Variants in PTX3 observed in about 807,000 individuals in gnomAD.
The protein encoded by PTX3 is pentraxin-related protein PTX3.
In PTX3, 24 loss-of-function variants were observed where a neutral mutation model predicts 23.5. The observed-to-expected ratio is 1.02, with a 90% CI of 0.74 to 1.43. The LOEUF (loss-of-function observed/expected upper bound fraction) is 1.43, where lower values mean the gene tolerates loss of function less well. Ranked by LOEUF, PTX3 falls within the 40% of genes most tolerant of loss-of-function variation. The pLI is 0.00. For synonymous variants in PTX3, 218 were observed against 205.4 expected, an observed-to-expected ratio of 1.06 and a Z score of -0.53; for missense variants, 510 against 497.5, an observed-to-expected ratio of 1.02 and a Z score of -0.24.
intron 1 of PTX3, 129 bp from the exon 2 acceptor site, chr3:157,437,384 G>T (rs1733685176): frequency 1.8e-6 from 2 of 1,128,544 alleles, no homozygotes; most frequent in Non-Finnish European, 1.3e-6. Flanking sequence ...TTTCGGAGGT[G>T]TCCTTAAAGG....
intron 2 of PTX3, among the ~76,000 whole-genome samples, chr3:157,440,886 C>A (rs896173124): frequency 6.6e-6 from 1 of 152,154 alleles, no homozygotes; most frequent in African/African-American, 2.4e-5. Flanking sequence ...TGTTCTCCAA[C>A]CAGGCCCCTT....
chr3:157,437,916 TAAG>T lies in PTX3; in HGVS notation c.532+3_532+5del. 1 of 1,526,966 alleles carries T rather than the reference TAAG, an allele frequency of 6.5e-7. No homozygotes were observed. Among genetic ancestry groups the T allele is most frequent in the Non-Finnish European group, 8.7e-7 (1 of 1,145,000 alleles). 94.6% of individuals were successfully genotyped at this position (1,526,966 alleles called of 1,614,324 possible). ...CTGCCCGGAGCTGGCTGCCGGCAGG[TAAG>T]GAGGCAAGCGGGGCCGGGACCTCCC... is the stretch of plus-strand genomic sequence containing the variant. On this transcript the variant is annotated splice_donor_5th_base_variant and intron_variant, in intron 2 of 2. Transcript: ENST00000295927.
chr3:157,436,979 T>C lies in PTX3; in HGVS notation c.46T>C (p.Leu16=), dbSNP rs35948036. Reference sequence around the variant, plus strand: ...GTTTTGTGCTCTCTGGTCTGCAGTGTTGGCCGAGAACTCGGATGATTATGA... The same window carrying C: ...GTTTTGTGCTCTCTGGTCTGCAGTGCTGGCCGAGAACTCGGATGATTATGA... The part of the protein sequence containing the change: ...ILFCALWSAV[L]AENSDDYDLM... Residue 16 remains leucine (L), a synonymous_variant, in exon 1 of 3, where the codon TTG becomes CTG. Transcript: ENST00000295927. 0.011 allele frequency: 17,839 copies of C among 1,614,060 alleles called. 97 individuals carry two copies. The highest frequency in any genetic ancestry group is 0.013 in the Non-Finnish European group (15,285 of 1,179,926).
In PTX3 at chr3:157,439,279, ATTAG is replaced by A. The variant is rs1033652451; in HGVS notation, c.532+1370_532+1373del. On this transcript the variant is annotated intron_variant, in intron 2 of 2. Coordinates refer to ENST00000295927, the MANE Select transcript of PTX3 (RefSeq NM_002852.4). ...CTATTTTTTATCTTCATCTTTGCAT[ATTAG>A]TTAGAGCAGAAGAGGGATGCATTTC... Among the ~76,000 whole-genome samples the A allele has an allele frequency of 1.5e-3, 222 of 152,330 alleles. 1 individual carries two copies. Among genetic ancestry groups the A allele is most frequent in the African/African-American group, 5.1e-3 (213 of 41,566 alleles).
chr3:157,438,165 C>T (rs1733819324), intron 2 of PTX3, among the ~76,000 whole-genome samples: 1 of 151,818 alleles, frequency 6.6e-6, no homozygotes, highest in Non-Finnish European at 1.5e-5. Flanking sequence ...CCTAAGGAGC[C>T]CTAAAGAGAG....
In PTX3 at chr3:157,437,596, A is replaced by G. The variant is rs1335274839; in HGVS notation, c.214A>G (p.Met72Val). 3 of 1,578,210 alleles carry G rather than the reference A, an allele frequency of 1.9e-6. No individual in the cohort carries two copies. In the African/African-American group the frequency reaches 4.1e-5, roughly 21 times the overall value. The change falls in exon 2 of 3, where the codon ATG (methionine) becomes GTG (valine). Residue 72 changes from methionine to valine, a missense_variant. Physicochemically the swap from Met to Val is conservative, Grantham distance 21 (BLOSUM62 1). Transcript: ENST00000295927. ...GGAGAACTCGCAGATGAGAGAGCGC[A>G]TGCTGCTGCAAGCCACGGACGACGT... is the stretch of plus-strand genomic sequence containing the variant. Reference protein sequence around the residue: ...MLENSQMRERMLLQATDDVLR... With the variant: ...MLENSQMRERVLLQATDDVLR...
In PTX3 at chr3:157,441,942, G is replaced by A. The variant is rs968135316; in HGVS notation, c.533-424G>A. Among the ~76,000 whole-genome samples the A allele has an allele frequency of 3.0e-4, 45 of 152,148 alleles. 1 individual carries two copies. The highest frequency in any genetic ancestry group is 5.7e-4 in the Non-Finnish European group (39 of 68,044). On this transcript the variant is annotated intron_variant, in intron 2 of 2. Coordinates refer to ENST00000295927, the MANE Select transcript of PTX3 (RefSeq NM_002852.4). ...ACAGGTTTATTATTTTAGGAACTTG[G>A]TGGTGGCAAAAAGAGAGAACCAGGT...
Position 157,442,648 on chromosome 3 carries a change from G to A in PTX3, c.815G>A (p.Gly272Asp), listed in dbSNP as rs765775634. The change falls in exon 3 of 3, where the codon GGC becomes GAC. Residue 272 changes from glycine to aspartate, a missense_variant. By Grantham distance (94) the Gly-to-Asp change is moderately conservative (BLOSUM62 -1). Transcript: ENST00000295927. ...CTGGGAAGGTGGACCCACCTGTGCG[G>A]CACCTGGAATTCAGAGGAAGGGCTC... ...VSLGRWTHLC[G>D]TWNSEEGLTS... 6.2e-7 allele frequency: 1 copy of A among 1,614,238 alleles called. No individual in the cohort carries two copies. The highest frequency in any genetic ancestry group is 1.1e-5 in the South Asian group (1 of 91,088).
rs1553786688 is a variant in PTX3 at position 157,438,037 on chromosome 3, G to GCGCACACACACA, written c.532+124_532+125insGCACACACACAC. ...TCATGGGAAGCGCGCGCGCGCGCGC[G>GCGCACACACACA]CACACACACACACACACACACACAC... On this transcript the variant is annotated intron_variant, in intron 2 of 2. Coordinates refer to ENST00000295927, the MANE Select transcript of PTX3 (RefSeq NM_002852.4). 3.2e-4 allele frequency: 167 copies of GCGCACACACACA among 516,080 alleles called. No individual in the cohort carries two copies. The South Asian group carries it at 3.5e-3, about 11-fold the overall frequency. The allele number at this position is 516,080 out of a possible 1,614,324, so 32.0% of individuals were successfully genotyped here. A position where few individuals can be genotyped will look rare whatever the true frequency, so the allele number is the denominator to read the frequency against.
chr3:157,438,624 C>A (rs1280296909), intron 2 of PTX3, among the ~76,000 whole-genome samples: 1 of 152,078 alleles, frequency 6.6e-6, no homozygotes, highest in African/African-American at 2.4e-5. Context: ...GGGATCCCAG[C>A]TCCACCCCAG....
intron 2 of PTX3, among the ~76,000 whole-genome samples, chr3:157,438,220 C>T (rs1158234246): frequency 2.0e-5 from 3 of 151,956 alleles, no homozygotes. Flanking sequence ...GTCTAGGGCC[C>T]CTTACACCCG....
Position 157,443,198 on chromosome 3 carries a change from C to A in PTX3, c.*219C>A. 2.0e-6 allele frequency: 1 copy of A among 497,820 alleles called. No individual in the cohort carries two copies. Among genetic ancestry groups the A allele is most frequent in the East Asian group, 3.1e-5 (1 of 32,274 alleles). 30.8% of individuals were successfully genotyped at this position (497,820 alleles called of 1,614,324 possible). A position where few individuals can be genotyped will look rare whatever the true frequency, so the allele number is the denominator to read the frequency against. On this transcript the variant is annotated 3_prime_UTR_variant, in exon 3 of 3. Transcript: ENST00000295927. ...GAGGATAATGTTACTAGACTTTATGCCATGGTGCTTTCAGTTTAATGCTGT... is the reference window on the plus strand; with the variant it reads ...GAGGATAATGTTACTAGACTTTATGACATGGTGCTTTCAGTTTAATGCTGT...
chr3:157,441,185 A>C (rs946660328), intron 2 of PTX3, among the ~76,000 whole-genome samples: 1 of 152,226 alleles, frequency 6.6e-6, no homozygotes, highest in Admixed American at 6.5e-5. Flanking sequence ...TTCTATTAAT[A>C]AGAGGCACTG....
At chr3:157,441,119 T>C (rs1236477621) in intron 2 of PTX3, among the ~76,000 whole-genome samples, 1 of 152,210 alleles carries the variant, frequency 6.6e-6, no homozygotes, top group African/African-American at 2.4e-5. Context: ...CAAAGTTGCA[T>C]GGCTCATTAG....
chr3:157,439,480 T>C (rs1376628121), intron 2 of PTX3, among the ~76,000 whole-genome samples: 1 of 152,184 alleles, frequency 6.6e-6, no homozygotes, highest in Non-Finnish European at 1.5e-5. Context: ...AACCTATTAG[T>C]TAAAAGCCAT....
In PTX3 at chr3:157,440,599, TAC is replaced by T. The variant is rs555414445; in HGVS notation, c.533-1759_533-1758del. On this transcript the variant is annotated intron_variant, in intron 2 of 2. Coordinates refer to ENST00000295927, the MANE Select transcript of PTX3 (RefSeq NM_002852.4). ...CTACATACACATACACACATATATA[TAC>T]ACACACATTTATATACATATATGTA... Among the ~76,000 whole-genome samples the T allele has an allele frequency of 4.1e-4, 62 of 152,206 alleles. 1 individual carries two copies. The South Asian group carries it at 0.012, about 31-fold the overall frequency.
In PTX3 at chr3:157,442,828, G is replaced by A; in HGVS notation, c.995G>A (p.Arg332Lys). ...GFDETLAFSG[R>K]LTGFNIWDSV... ...GATGAAACATTAGCCTTCTCTGGGAGACTCACAGGCTTCAATATCTGGGAT... is the reference window on the plus strand; with the variant it reads ...GATGAAACATTAGCCTTCTCTGGGAAACTCACAGGCTTCAATATCTGGGAT... Residue 332 changes from arginine (R) to lysine (K), a missense_variant, in exon 3 of 3, where the codon AGA (arginine) becomes AAA (lysine). Physicochemically the swap from Arg to Lys is conservative, Grantham distance 26 (BLOSUM62 2). Coordinates refer to ENST00000295927, the MANE Select transcript of PTX3 (RefSeq NM_002852.4). 1 of 1,614,226 alleles carries A rather than the reference G, an allele frequency of 6.2e-7. No homozygotes were observed. Among genetic ancestry groups the A allele is most frequent in the Non-Finnish European group, 8.5e-7 (1 of 1,180,042 alleles).
chr3:157,437,395 G>C, intron 1 of PTX3, 118 bp from the exon 2 acceptor site: 1 of 1,249,384 alleles, frequency 8.0e-7, no homozygotes, highest in Non-Finnish European at 1.1e-6. Flanking sequence ...TCCTTAAAGG[G>C]AAGGGGAATG....
chr3:157,437,842 G>C lies in PTX3; in HGVS notation c.460G>C (p.Glu154Gln). Residue 154 changes from glutamate to glutamine, a missense_variant, in exon 2 of 3, where the codon GAG becomes CAG. Transcript: ENST00000295927. ...GGGGCGCGCCCTGGCCGCGGTGCTA[G>C]AGGAGCTGCGGCAGACGCGAGCCGA... ...EAGRALAAVLEELRQTRADLH... is the reference protein window; with the variant it reads ...EAGRALAAVLQELRQTRADLH... 1.3e-6 allele frequency: 2 copies of C among 1,496,454 alleles called. No individual in the cohort carries two copies. The highest frequency in any genetic ancestry group is 1.8e-6 in the Non-Finnish European group (2 of 1,132,580). The allele number at this position is 1,496,454 out of a possible 1,614,324, so 92.7% of individuals were successfully genotyped here. A position where few individuals can be genotyped will look rare whatever the true frequency, so the allele number is the denominator to read the frequency against.
Sources: allele counts gnomAD v4.1 joint callset (sites outside exome capture counted in the v4.1 genomes callset), GRCh38; gene constraint gnomAD v4.1.1; transcripts MANE v1.5; gene names NCBI Gene and HGNC (gene_info 2026-07-23, HGNC 2026-07-21).